Variants in DAB2 observed in about 807,000 individuals in gnomAD.
The protein encoded by DAB2 is DAB adaptor protein 2.
DAB2 carries 28 observed loss-of-function variants against 71.6 expected under a neutral mutation model. That is an observed-to-expected ratio of 0.39 (90% CI 0.29 to 0.54). The LOEUF (loss-of-function observed/expected upper bound fraction) is 0.54. DAB2 is among the 20% of genes least tolerant of loss of function. DAB2 has a pLI of 0.68. For synonymous variants in DAB2, 345 were observed against 339.7 expected (o/e 1.02, Z -0.17); for missense variants, 867 against 928.8 (o/e 0.93, Z 0.86).
intron 1 of DAB2, among the ~76,000 whole-genome samples, chr5:39,406,468 C>A (rs1755613428): frequency 6.6e-6 from 1 of 152,164 alleles, no homozygotes; most frequent in South Asian, 2.1e-4. Flanking sequence ...TTGGTGGTAG[C>A]CCAGTCACTT....
At position 39,377,279 on chromosome 5, in the gene DAB2, C is replaced by T. The variant is rs773073371; in HGVS notation, c.1508G>A (p.Gly503Asp). 14 of 1,606,220 alleles carry T rather than the reference C, an allele frequency of 8.7e-6. No homozygotes were observed. The highest frequency in any genetic ancestry group is 1.2e-5 in the Non-Finnish European group (14 of 1,176,206). The change falls in exon 12 of 15, where the codon GGT becomes GAT. Residue 503 changes from glycine to aspartate, a missense_variant. Around this residue, in one of 2 missense-constraint regions of DAB2, gnomAD observed 740 missense variants for 734.3 expected, o/e 1.01. Transcript: ENST00000320816. ...TGCCTGAGGGAGTGTGACAGTTACA[C>T]CACCTGAAGTAAGAGGAAGAAAAAT... ...APVGPLVGLG[G>D]VTVTLPQAGP...
chr5:39,406,690 C>T (rs62358455), intron 1 of DAB2, among the ~76,000 whole-genome samples: 1 of 152,150 alleles, frequency 6.6e-6, no homozygotes, highest in Non-Finnish European at 1.5e-5. Context: ...ATAGAATAAA[C>T]CCGTTTTAAA....
chr5:39,395,449 C>T (rs998550064), intron 1 of DAB2, among the ~76,000 whole-genome samples: 3 of 152,134 alleles, frequency 2.0e-5, no homozygotes, highest in Non-Finnish European at 4.4e-5. Context: ...AGGACCAAGC[C>T]CACCACATGG....
chr5:39,385,364 T>C (rs1207962399), intron 9 of DAB2: 2 of 152,238 alleles, frequency 1.3e-5, no homozygotes, highest in Non-Finnish European at 2.9e-5. Context: ...CGTTTTCAAA[T>C]ACTTCAGAAG....
intron 1 of DAB2, among the ~76,000 whole-genome samples, chr5:39,415,743 T>C (rs1755829652): frequency 6.6e-6 from 1 of 152,166 alleles, no homozygotes; most frequent in African/African-American, 2.4e-5. Flanking sequence ...TAGTGAGCCC[T>C]CCACAAATGT....
chr5:39,424,080 G>C (rs903184905), intron 1 of DAB2, among the ~76,000 whole-genome samples: 4 of 152,096 alleles, frequency 2.6e-5, no homozygotes, highest in Non-Finnish European at 5.9e-5. Flanking sequence ...AAATAACAGA[G>C]TCAGCTCTAT....
rs564002972 is a variant in DAB2 at position 39,379,296 on chromosome 5, T to TA, written c.1505-2015dup. 1.6e-3 allele frequency among the ~76,000 whole-genome samples: 243 copies of TA among 151,828 alleles called. 6 individuals carry two copies. The highest frequency in any genetic ancestry group is 5.4e-3 in the African/African-American group (223 of 41,416). ...TGGCGAAACCCTGTCTCTACTAACA[T>TA]ACAAAAATTAGCTGGGTGTGGTGGC... On this transcript the variant is annotated intron_variant, in intron 11 of 14. Transcript: ENST00000320816.
intron 14 of DAB2, chr5:39,374,786 C>A: frequency 9.1e-6 from 4 of 437,764 alleles, no homozygotes; most frequent in Middle Eastern, 5.9e-4. Flanking sequence ...TAAAAATCCA[C>A]ATCCCCAAGG....
At chr5:39,375,889 AAAAT>A (rs917652823) in intron 13 of DAB2, 104 bp downstream of exon 13, 24 of 867,038 alleles carry the variant, frequency 2.8e-5, no homozygotes, top group Admixed American at 2.2e-4. Flanking sequence ...CTGTCTTAAA[AAAAT>A]AAATAAATAA....
chr5:39,407,283 G>A (rs781052450), intron 1 of DAB2, among the ~76,000 whole-genome samples: 1 of 152,160 alleles, frequency 6.6e-6, no homozygotes, highest in East Asian at 1.9e-4. Context: ...GCAGAGGCGC[G>A]ATCTCAGCTC....
intron 1 of DAB2, among the ~76,000 whole-genome samples, chr5:39,401,172 T>C (rs768458630): frequency 1.3e-5 from 2 of 152,214 alleles, no homozygotes; most frequent in Non-Finnish European, 2.9e-5. Context: ...TTTTACAGCC[T>C]GTTTCACTGA....
chr5:39,404,610 G>T (rs1329905973), intron 1 of DAB2, among the ~76,000 whole-genome samples: 1 of 150,990 alleles, frequency 6.6e-6, no homozygotes, highest in Non-Finnish European at 1.5e-5. Context: ...ACAGAGTCTT[G>T]CTCTGTCTCC....
intron 1 of DAB2, among the ~76,000 whole-genome samples, chr5:39,416,861 A>G (rs929988852): frequency 6.6e-6 from 1 of 152,176 alleles, no homozygotes; most frequent in East Asian, 1.9e-4. Flanking sequence ...CGCTTAAAAC[A>G]TTAGGGGTAA....
chr5:39,376,633 A>G lies in DAB2; in HGVS notation c.2137+17T>C. 6.2e-7 allele frequency: 1 copy of G among 1,610,868 alleles called. No homozygotes were observed. Among genetic ancestry groups the G allele is most frequent in the South Asian group, 1.1e-5 (1 of 90,836 alleles). ...AGATAGTTGTTGGAACAGTAGGCAG[A>G]GTGGTGAGTGGCTTACCATTGATCT... On this transcript the variant is annotated intron_variant, in intron 12 of 14. Coordinates refer to ENST00000320816, the MANE Select transcript of DAB2 (RefSeq NM_001343.4).
rs1754821566 is a variant in DAB2 at position 39,376,081 on chromosome 5, T to G, written c.2163A>C (p.Gln721His). The G allele has an allele frequency of 1.2e-6, 2 of 1,613,876 alleles. No homozygotes were observed. Among genetic ancestry groups the G allele is most frequent in the Admixed American group, 1.7e-5 (1 of 59,968 alleles). Residue 721 changes from glutamine (Q) to histidine (H), a missense_variant, in exon 13 of 15, where the codon CAA becomes CAC. This residue lies in a region of DAB2 where 740 missense variants were observed against 734.3 expected (regional missense o/e 1.01). Coordinates refer to ENST00000320816, the MANE Select transcript of DAB2 (RefSeq NM_001343.4). ...INEPPKPAPRQVSLPVTKSTD... is the reference protein window; with the variant it reads ...INEPPKPAPRHVSLPVTKSTD... ...TAGATTTGGTAACTGGCAGGGAAAC[T>G]TGTCTGGGAGCTGGCTTTGGTGGTT...
chr5:39,401,847 G>A (rs1755509576), intron 1 of DAB2, among the ~76,000 whole-genome samples: 1 of 151,832 alleles, frequency 6.6e-6, no homozygotes, highest in South Asian at 2.1e-4. Flanking sequence ...CCGCCTGCCG[G>A]GTTCACGCCA....
chr5:39,391,593 T>A (rs943109897), intron 4 of DAB2, among the ~76,000 whole-genome samples: 1 of 152,074 alleles, frequency 6.6e-6, no homozygotes, highest in Non-Finnish European at 1.5e-5. Flanking sequence ...AGTATCGTGA[T>A]GCGAGAGAGT....
chr5:39,390,639 C>T, intron 4 of DAB2, 64 bp from the exon 5 acceptor site: 3 of 1,320,266 alleles, frequency 2.3e-6, no homozygotes, highest in Non-Finnish European at 3.2e-6. Flanking sequence ...GGCTAGCACA[C>T]CGAAGCCTCA....
At position 39,396,826 on chromosome 5, in the gene DAB2, C is replaced by T. The variant is rs544675571; in HGVS notation, c.-101-2405G>A. On this transcript the variant is annotated intron_variant, in intron 1 of 14. Transcript: ENST00000320816. ...ACAGTTGCACCTTTTTAGATGGAAA[C>T]ACTTGTGTGGCTGTCAGAGGAAAAG... 3.3e-5 allele frequency among the ~76,000 whole-genome samples: 5 copies of T among 152,320 alleles called. No individual in the cohort carries two copies. The East Asian group carries it at 9.7e-4, about 29-fold the overall frequency.
Sources: allele counts gnomAD v4.1 joint callset (sites outside exome capture counted in the v4.1 genomes callset), GRCh38; gene constraint gnomAD v4.1.1; regional missense constraint gnomAD v4.1.1; transcripts MANE v1.5; gene names NCBI Gene and HGNC (gene_info 2026-07-23, HGNC 2026-07-21).